GRM7: variants seen among roughly 807,000 people sequenced by gnomAD.
GRM7 encodes the protein metabotropic glutamate receptor 7.
A neutral mutation model predicts 84.5 loss-of-function variants in GRM7; 35 were observed. The observed-to-expected ratio is 0.41, with a 90% CI of 0.32 to 0.55. The LOEUF (loss-of-function observed/expected upper bound fraction) is 0.55, where lower values mean the gene tolerates loss of function less well. Among genes scored for constraint, GRM7 ranks in the 20% least tolerant of loss-of-function variants. The pLI is 0.19. For missense variants in GRM7, 1,003 were observed against 1,194.6 expected, an observed-to-expected ratio of 0.84 and a Z score of 2.36; for synonymous variants, 487 against 455.1, an observed-to-expected ratio of 1.07 and a Z score of -0.89.
chr3:7,697,283 A>G (rs903282083), intron 9 of GRM7, among the ~76,000 whole-genome samples: 13 of 152,154 alleles, frequency 8.5e-5, no homozygotes, highest in Non-Finnish European at 1.8e-4. Context: ...GTAACATTTT[A>G]TAGTTTTGTT....
At chr3:7,626,286 A>C (rs1254794157) in intron 8 of GRM7, among the ~76,000 whole-genome samples, 1 of 152,138 alleles carries the variant, frequency 6.6e-6, no homozygotes, top group Admixed American at 6.5e-5. Context: ...CTATGGAGTA[A>C]GTAGATACAT....
intron 1 of GRM7, among the ~76,000 whole-genome samples, chr3:7,111,924 G>A (rs182055919): frequency 8.5e-5 from 13 of 152,176 alleles, no homozygotes; most frequent in South Asian, 6.2e-4. Flanking sequence ...AGAGAGTCCC[G>A]TTTCAGGGCC....
chr3:7,126,321 A>T (rs1193422032), intron 1 of GRM7, among the ~76,000 whole-genome samples: 1 of 152,220 alleles, frequency 6.6e-6, no homozygotes, highest in Admixed American at 6.5e-5. Flanking sequence ...GCACAGAAAC[A>T]CTGACTTGTA....
At chr3:6,872,944 G>A (rs913862855) in intron 1 of GRM7, among the ~76,000 whole-genome samples, 2 of 152,174 alleles carry the variant, frequency 1.3e-5, no homozygotes, top group African/African-American at 4.8e-5. Context: ...TGTCTTTACA[G>A]TAGAATGATT....
intron 2 of GRM7, among the ~76,000 whole-genome samples, chr3:7,206,403 C>T (rs570060763): frequency 6.6e-6 from 1 of 152,206 alleles, no homozygotes; most frequent in African/African-American, 2.4e-5. Flanking sequence ...ATTTATTGCA[C>T]AACTAAATGA....
chr3:7,255,048 C>T (rs950832889), intron 2 of GRM7, among the ~76,000 whole-genome samples: 2 of 152,136 alleles, frequency 1.3e-5, no homozygotes, highest in African/African-American at 4.8e-5. Context: ...AGTGACTTTT[C>T]CATTTTCCTC....
chr3:7,696,510 C>A (rs1050134141), intron 9 of GRM7, among the ~76,000 whole-genome samples: 1 of 152,126 alleles, frequency 6.6e-6, no homozygotes, highest in African/African-American at 2.4e-5. Context: ...ACTCATCATG[C>A]CATGTTTCCT....
intron 6 of GRM7, among the ~76,000 whole-genome samples, chr3:7,455,737 C>G (rs953789408): frequency 1.1e-4 from 17 of 152,244 alleles, no homozygotes; most frequent in African/African-American, 3.8e-4. Flanking sequence ...TGGGGAAATA[C>G]TGATTAATCT....
intron 5 of GRM7, among the ~76,000 whole-genome samples, chr3:7,426,420 C>A (rs1175963263): frequency 6.6e-6 from 1 of 152,188 alleles, no homozygotes; most frequent in African/African-American, 2.4e-5. Flanking sequence ...TGTTCTAGTT[C>A]TCTAGAGGTG....
intron 2 of GRM7, among the ~76,000 whole-genome samples, chr3:7,185,171 G>A (rs1458672948): frequency 1.3e-5 from 2 of 152,028 alleles, no homozygotes; most frequent in Admixed American, 6.6e-5. Flanking sequence ...TAATTACTAG[G>A]CCATGTTATA....
chr3:7,134,530 C>A (rs1693711286), intron 1 of GRM7, among the ~76,000 whole-genome samples: 1 of 152,124 alleles, frequency 6.6e-6, no homozygotes, highest in Non-Finnish European at 1.5e-5. Context: ...TCTAGAAATT[C>A]TGACCACACC....
Position 7,170,811 on chromosome 3 carries a change from G to A in GRM7, c.736+24143G>A, listed in dbSNP as rs17046937. Among the ~76,000 whole-genome samples, 493 of 152,310 alleles carry A rather than the reference G, an allele frequency of 3.2e-3. 1 individual carries two copies. The highest frequency in any genetic ancestry group is 0.011 in the African/African-American group (466 of 41,572). ...AGATTGAGTTACAAAGGAAATACTTGATGAAACCTACATGATTCTGTATGA... is the reference window on the plus strand; with the variant it reads ...AGATTGAGTTACAAAGGAAATACTTAATGAAACCTACATGATTCTGTATGA... On this transcript the variant is annotated intron_variant, in intron 2 of 9. Coordinates refer to ENST00000357716, the MANE Select transcript of GRM7 (RefSeq NM_000844.4).
At chr3:6,949,630 G>T (rs957628862) in intron 1 of GRM7, among the ~76,000 whole-genome samples, 26 of 151,750 alleles carry the variant, frequency 1.7e-4, no homozygotes, top group South Asian at 4.2e-4. Flanking sequence ...AAGTTCTCCT[G>T]GATAATATCC....
chr3:7,112,182 G>A (rs928295633), intron 1 of GRM7, among the ~76,000 whole-genome samples: 8 of 151,716 alleles, frequency 5.3e-5, no homozygotes, highest in African/African-American at 1.9e-4. Flanking sequence ...ATGAGAGAGG[G>A]TATGTTTTTC....
rs1281444243 is a variant in GRM7, at chr3:7,305,429, G to T, written c.879-1069G>T. ...AGTTACATATGTATACATGTGCCAT[G>T]CTGGTGCGCTGCACCCACTAACGTG... On this transcript the variant is annotated intron_variant, in intron 3 of 9. Transcript: ENST00000357716. Among the ~76,000 whole-genome samples, 2 of 48,970 alleles carry T rather than the reference G, an allele frequency of 4.1e-5. 1 individual carries two copies. The allele number at this position is 48,970 out of a possible 152,430, so 32.1% of individuals were successfully genotyped here. A position where few individuals can be genotyped will look rare whatever the true frequency, so the allele number is the denominator to read the frequency against.
chr3:7,573,352 CAG>C (rs1430462323), intron 7 of GRM7, among the ~76,000 whole-genome samples: 1 of 152,028 alleles, frequency 6.6e-6, no homozygotes, highest in Non-Finnish European at 1.5e-5. Flanking sequence ...AAGCACCAGC[CAG>C]CTTGGTCTAT....
At chr3:7,279,464 A>G (rs1375458221) in intron 2 of GRM7, among the ~76,000 whole-genome samples, 1 of 152,208 alleles carries the variant, frequency 6.6e-6, no homozygotes, top group African/African-American at 2.4e-5. Flanking sequence ...GCAGATGAGA[A>G]CCTGAGCCAG....
intron 1 of GRM7, among the ~76,000 whole-genome samples, chr3:7,078,306 C>G (rs1698163361): frequency 6.6e-6 from 1 of 152,190 alleles, no homozygotes; most frequent in South Asian, 2.1e-4. Context: ...GAACCACAGG[C>G]CCTGCCTAAG....
At chr3:7,437,723 C>T (rs988603640) in intron 5 of GRM7, among the ~76,000 whole-genome samples, 3 of 151,824 alleles carry the variant, frequency 2.0e-5, no homozygotes, top group Non-Finnish European at 2.9e-5. Flanking sequence ...CGTGTGTTCC[C>T]CATCCTACAT....
Sources: gnomAD v4.1 joint callset for allele counts (sites outside exome capture counted in the v4.1 genomes callset) on GRCh38, gnomAD v4.1.1 for gene constraint, MANE v1.5 for transcripts, NCBI Gene and HGNC (gene_info 2026-07-23, HGNC 2026-07-21) for gene names.